The following TBCA variants were observed in gnomAD, a reference collection of about 807,000 sequenced individuals.
TBCA encodes the protein tubulin folding cofactor A.
In TBCA, 6 loss-of-function variants were observed where a neutral mutation model predicts 15.8. The ratio of observed to expected loss-of-function variants is 0.38; its 90% confidence interval spans 0.21 to 0.75. TBCA has a LOEUF of 0.75. TBCA is among the 30% of genes least tolerant of loss of function. The probability of loss-of-function intolerance (pLI) is 0.46; values close to 1 mark genes in which losing one functional copy is unlikely to be tolerated. For missense variants in TBCA, 90 were observed against 131.2 expected, an observed-to-expected ratio of 0.69 and a Z score of 1.53; for synonymous variants, 32 against 42.3, an observed-to-expected ratio of 0.76 and a Z score of 0.94.
chr5:77,748,665 TAAAC>T (rs1747244667), intron 1 of TBCA, among the ~76,000 whole-genome samples: 1 of 152,196 alleles, frequency 6.6e-6, no homozygotes, highest in South Asian at 2.1e-4. Context: ...AGTTGACCCT[TAAAC>T]AATGGAGACA....
chr5:77,711,050 T>A (rs544440374), intron 1 of TBCA, among the ~76,000 whole-genome samples: 3 of 152,282 alleles, frequency 2.0e-5, no homozygotes, highest in Non-Finnish European at 2.9e-5. Flanking sequence ...AGGCAAACTA[T>A]GGCCAGGGAG....
At position 77,776,247 on chromosome 5, in the gene TBCA, G is replaced by C; in HGVS notation, c.11C>G (p.Pro4Arg). Residue 4 changes from proline to arginine, a missense_variant, in exon 1 of 4, where the codon CCT (proline) becomes CGT (arginine). Transcript: ENST00000380377. MADPRVRQIKIKTG... is the reference protein window; with the variant it reads MADRRVRQIKIKTG... ...CTTGATCTTGATCTGTCTCACGCGAGGATCGGCCATGGTCCCTCGAGCGCC... is the reference window on the plus strand; with the variant it reads ...CTTGATCTTGATCTGTCTCACGCGACGATCGGCCATGGTCCCTCGAGCGCC... The C allele has an allele frequency of 1.9e-6, 3 of 1,580,120 alleles. No individual in the cohort carries two copies. Among genetic ancestry groups the C allele is most frequent in the Non-Finnish European group, 2.6e-6 (3 of 1,164,016 alleles).
chr5:77,719,614 T>G (rs1439943871), intron 1 of TBCA, among the ~76,000 whole-genome samples: 2 of 152,214 alleles, frequency 1.3e-5, no homozygotes, highest in African/African-American at 4.8e-5. Context: ...GTGCTTTAAT[T>G]AATTTTAAAA....
intron 1 of TBCA, among the ~76,000 whole-genome samples, chr5:77,712,500 G>A (rs900945643): frequency 2.6e-5 from 4 of 151,976 alleles, no homozygotes; most frequent in African/African-American, 9.7e-5. Flanking sequence ...GAATACTGAA[G>A]ACAAGTATGT....
chr5:77,710,752 C>T (rs941738759), intron 1 of TBCA, among the ~76,000 whole-genome samples: 1 of 152,100 alleles, frequency 6.6e-6, no homozygotes, highest in Non-Finnish European at 1.5e-5. Flanking sequence ...AACAGTCAGG[C>T]ATTACACTTG....
chr5:77,741,389 G>A (rs1747027066), intron 1 of TBCA, among the ~76,000 whole-genome samples: 1 of 152,104 alleles, frequency 6.6e-6, no homozygotes, highest in South Asian at 2.1e-4. Context: ...ACAGAATGTT[G>A]GCTTTCAATA....
chr5:77,736,231 G>T (rs771595563), intron 1 of TBCA, among the ~76,000 whole-genome samples: 2 of 151,758 alleles, frequency 1.3e-5, no homozygotes, highest in Non-Finnish European at 2.9e-5. Context: ...AGCTACTCAG[G>T]AGGCTGAGGC....
At chr5:77,717,675 T>C (rs533964653) in intron 1 of TBCA, among the ~76,000 whole-genome samples, 1 of 150,474 alleles carries the variant, frequency 6.6e-6, no homozygotes, top group African/African-American at 2.4e-5. Context: ...AGTAAAAATA[T>C]AAAAAAATTA....
At chr5:77,754,486 A>C (rs1337370131) in intron 1 of TBCA, among the ~76,000 whole-genome samples, 2 of 152,212 alleles carry the variant, frequency 1.3e-5, no homozygotes, top group African/African-American at 4.8e-5. Flanking sequence ...TGACAAGTTT[A>C]TTTACAAGTA....
intron 1 of TBCA, among the ~76,000 whole-genome samples, chr5:77,722,980 A>G (rs1014541770): frequency 2.0e-5 from 3 of 151,862 alleles, no homozygotes; most frequent in Non-Finnish European, 3.0e-5. Flanking sequence ...TGTTCTATAA[A>G]ATTCTACTTT....
chr5:77,700,060 C>A (rs1234733787), intron 2 of TBCA, among the ~76,000 whole-genome samples: 1 of 144,406 alleles, frequency 6.9e-6, no homozygotes, highest in Non-Finnish European at 1.5e-5. Context: ...AGAAAATTAG[C>A]CAGACATGGT....
At chr5:77,764,740 T>TACAG (rs1300016071) in intron 1 of TBCA, among the ~76,000 whole-genome samples, 2 of 151,928 alleles carry the variant, frequency 1.3e-5, no homozygotes, top group African/African-American at 4.8e-5. Flanking sequence ...TATAGAGTAT[T>TACAG]ACAGTGCTTT....
Position 77,723,336 on chromosome 5 carries a change from A to G in TBCA, c.54-14989T>C, listed in dbSNP as rs145208019. ...TAGAAAACGTTAACTAACCACTTAT[A>G]ATAAAAACTGGGGCCTTGTAGAAAC... On this transcript the variant is annotated intron_variant, in intron 1 of 3. Transcript: ENST00000380377. 4.5e-4 allele frequency among the ~76,000 whole-genome samples: 69 copies of G among 152,098 alleles called. 1 individual carries two copies. In the Middle Eastern group the frequency reaches 0.017, roughly 37 times the overall value.
rs1302112074 is a variant in TBCA at position 77,693,231 on chromosome 5, A to C, written c.246+35T>G. On this transcript the variant is annotated intron_variant, in intron 3 of 3. Coordinates refer to ENST00000380377, the MANE Select transcript of TBCA (RefSeq NM_004607.3). Reference sequence around the variant, plus strand: ...GCTTTCCATGTATTGGATTGAAAAAAAAAATTTAAACATGACACAGAAGTC... The same window carrying C: ...GCTTTCCATGTATTGGATTGAAAAACAAAATTTAAACATGACACAGAAGTC... 8 of 1,608,944 alleles carry C rather than the reference A, an allele frequency of 5.0e-6. No individual in the cohort carries two copies. In the African/African-American group the frequency reaches 8.0e-5, roughly 16 times the overall value.
At chr5:77,758,216 G>GA (rs913588990) in intron 1 of TBCA, among the ~76,000 whole-genome samples, 3 of 152,024 alleles carry the variant, frequency 2.0e-5, no homozygotes, top group African/African-American at 4.8e-5. Context: ...CCTGTTTTAA[G>GA]AAAAAAACAA....
At chr5:77,742,794 T>C (rs1747084036) in intron 1 of TBCA, among the ~76,000 whole-genome samples, 1 of 152,240 alleles carries the variant, frequency 6.6e-6, no homozygotes, top group South Asian at 2.1e-4. Flanking sequence ...TTCTTTGTTT[T>C]GTCCTTATGT....
intron 3 of TBCA, chr5:77,692,627 G>T: frequency 1.0e-6 from 1 of 984,802 alleles, no homozygotes. Flanking sequence ...TACTTTCTCA[G>T]CTACTAGATT....
intron 1 of TBCA, among the ~76,000 whole-genome samples, chr5:77,732,713 T>C (rs1343577939): frequency 6.6e-6 from 1 of 152,318 alleles, no homozygotes; most frequent in South Asian, 2.1e-4. Context: ...TTATATATTT[T>C]ACGGTGATTT....
chr5:77,741,083 A>C (rs1747019663), intron 1 of TBCA, among the ~76,000 whole-genome samples: 1 of 152,226 alleles, frequency 6.6e-6, no homozygotes, highest in Non-Finnish European at 1.5e-5. Context: ...GTTACTAAGA[A>C]GGCAAGATAA....
Sources: allele counts gnomAD v4.1 joint callset (sites outside exome capture counted in the v4.1 genomes callset), GRCh38; gene constraint gnomAD v4.1.1; transcripts MANE v1.5; gene names NCBI Gene and HGNC (gene_info 2026-07-23, HGNC 2026-07-21).